Variants in TMEM145 observed in about 807,000 individuals in gnomAD.
TMEM145 encodes transmembrane protein 145.
A neutral mutation model predicts 68.5 loss-of-function variants in TMEM145; 46 were observed. That is an observed-to-expected ratio of 0.67 (90% CI 0.53 to 0.86). The LOEUF (loss-of-function observed/expected upper bound fraction) is 0.86. Ranked by LOEUF, TMEM145 falls within the 40% of genes least tolerant of loss-of-function variation. The pLI, the probability that TMEM145 is intolerant of heterozygous loss-of-function variation, is 0.00. For missense variants in TMEM145, 570 were observed against 645.8 expected, an observed-to-expected ratio of 0.88 and a Z score of 1.27; for synonymous variants, 255 against 280.2, an observed-to-expected ratio of 0.91 and a Z score of 0.90.
At position 42,315,421 on chromosome 19, in the gene TMEM145, G is replaced by A. The variant is rs1422755527; in HGVS notation, c.627G>A (p.Met209Ile). 5.0e-6 allele frequency: 8 copies of A among 1,614,064 alleles called. No homozygotes were observed. In the Admixed American group the frequency reaches 1.3e-4, roughly 27 times the overall value. ...QLLHTTYKMF[M>I]AAAGVEVLSL... ...TCCACACAACTTATAAAATGTTCAT[G>A]GCCGCAGCAGGAGTAGAGGGTGAGG... The change falls in exon 8 of 15, where the codon ATG (methionine) becomes ATA (isoleucine). Residue 209 changes from methionine (M) to isoleucine (I), a missense_variant. Physicochemically the swap from Met to Ile is conservative, Grantham distance 10 (BLOSUM62 1). Transcript: ENST00000301204.
chr19:42,314,749 CG>C (rs2038837660), intron 4 of TMEM145, 42 bp from the exon 5 acceptor site: 4 of 1,613,918 alleles, frequency 2.5e-6, no homozygotes, highest in Admixed American at 3.3e-5. Flanking sequence ...ATGAAGCCTT[CG>C]GGGCATCAAG....
chr19:42,315,226 A>ATCCTCATCTTCT lies in TMEM145; in HGVS notation c.550_561dup (p.Ile184_Leu187dup). The ATCCTCATCTTCT allele has an allele frequency of 1.2e-6, 2 of 1,607,508 alleles. No homozygotes were observed. The highest frequency in any genetic ancestry group is 1.7e-6 in the Non-Finnish European group (2 of 1,175,656). On this transcript the variant is annotated inframe_insertion, in exon 7 of 15. Coordinates refer to ENST00000301204, the MANE Select transcript of TMEM145 (RefSeq NM_173633.3). ...AGATGTGACCTTCCTCCTCATCTTC[A>ATCCTCATCTTCT]TCCTCATCTTCTTCCTCTCTTGTTA... is the stretch of plus-strand genomic sequence containing the variant.
chr19:42,322,339 T>C (rs1328481188), intron 13 of TMEM145, among the ~76,000 whole-genome samples: 1 of 152,166 alleles, frequency 6.6e-6, no homozygotes, highest in Non-Finnish European at 1.5e-5. Context: ...ACAGTCCCTT[T>C]TCCCCACAGC....
chr19:42,321,639 C>A (rs138988972), intron 13 of TMEM145: 2,274 of 152,266 alleles, frequency 0.015, 29 homozygotes, highest in South Asian at 0.025. Context: ...GATCCGCCCG[C>A]CTCGGCCTCC....
intron 12 of TMEM145, among the ~76,000 whole-genome samples, chr19:42,318,785 TA>T (rs1197236049): frequency 6.6e-6 from 1 of 150,458 alleles, no homozygotes; most frequent in Non-Finnish European, 1.5e-5. Flanking sequence ...AAATGTTCAG[TA>T]AAAAACTATT....
rs1296886665 is a variant in TMEM145 at position 42,324,395 on chromosome 19, G to T, written c.1402-342G>T. 4.1e-6 allele frequency: 4 copies of T among 984,678 alleles called. No individual in the cohort carries two copies. In the African/African-American group the frequency reaches 5.3e-5, roughly 13 times the overall value. The allele number at this position is 984,678 out of a possible 1,614,324, so 61.0% of individuals were successfully genotyped here. Reference sequence around the variant, plus strand: ...CCCACTTCCCGCTCGGTTCCCCAAGGCGGCCGACTCGGGCTGGGACGGCCC... The same window carrying T: ...CCCACTTCCCGCTCGGTTCCCCAAGTCGGCCGACTCGGGCTGGGACGGCCC... On this transcript the variant is annotated intron_variant, in intron 14 of 14. Transcript: ENST00000301204.
intron 13 of TMEM145, chr19:42,321,064 G>A (rs886912951): frequency 2.5e-6 from 1 of 397,916 alleles, no homozygotes; most frequent in Non-Finnish European, 4.4e-6. Flanking sequence ...TTTCTCTTTT[G>A]TATCCCCACT....
At chr19:42,321,272 T>A in intron 13 of TMEM145, 1 of 396,000 alleles carries the variant, frequency 2.5e-6, no homozygotes, top group Admixed American at 4.4e-5. Context: ...GTCACTAGGC[T>A]GGAGTGCAGT....
chr19:42,314,553 G>A, intron 3 of TMEM145, 25 bp downstream of exon 3: 1 of 1,614,146 alleles, frequency 6.2e-7, no homozygotes. Context: ...GAGGGCATAG[G>A]GGGAGAGGGG....
chr19:42,320,124 C>T (rs2038897562), intron 12 of TMEM145, among the ~76,000 whole-genome samples, 193 bp from the exon 13 acceptor site: 1 of 152,186 alleles, frequency 6.6e-6, no homozygotes, highest in Non-Finnish European at 1.5e-5. Flanking sequence ...AATTGAACCT[C>T]CTTCTTGCCC....
rs1449340687 is a variant in TMEM145 at position 42,314,065 on chromosome 19, G to T, written c.121-207G>T. 2.0e-5 allele frequency among the ~76,000 whole-genome samples: 3 copies of T among 151,894 alleles called. 1 individual carries two copies. In the South Asian group the frequency reaches 6.2e-4, roughly 32 times the overall value. On this transcript the variant is annotated intron_variant, in intron 1 of 14. Transcript: ENST00000301204. ...TGTTTGAATGGAGGGGAGGAAACTT[G>T]GGGGGGCAATGGAGGGAGAAAATCA...
intron 12 of TMEM145, among the ~76,000 whole-genome samples, chr19:42,318,363 A>G (rs1160559672): frequency 1.5e-5 from 2 of 135,272 alleles, no homozygotes; most frequent in East Asian, 4.2e-4. Context: ...GCAAGACTCC[A>G]TCTCAAAAAA....
intron 12 of TMEM145, among the ~76,000 whole-genome samples, chr19:42,318,662 G>C (rs2147418818): frequency 6.6e-6 from 1 of 151,000 alleles, no homozygotes; most frequent in South Asian, 2.1e-4. Flanking sequence ...ATTCCAACCT[G>C]GGCAACAGAG....
chr19:42,320,336 A>G lies in TMEM145; in HGVS notation c.1093A>G (p.Met365Val), dbSNP rs1362937046. 2 of 1,614,126 alleles carry G rather than the reference A, an allele frequency of 1.2e-6. No homozygotes were observed. The highest frequency in any genetic ancestry group is 1.7e-6 in the Non-Finnish European group (2 of 1,180,036). The part of the protein sequence containing the change: ...YTLWFFAVPV[M>V]ALIANFGIPK... ...CTTCAGGTTCTTTGCGGTTCCTGTC[A>G]TGGCCCTGATTGCCAATTTCGGCAT... The change falls in exon 13 of 15, where the codon ATG becomes GTG. Residue 365 changes from methionine (M) to valine (V), a missense_variant. Physicochemically the swap from Met to Val is conservative, Grantham distance 21 (BLOSUM62 1). Coordinates refer to ENST00000301204, the MANE Select transcript of TMEM145 (RefSeq NM_173633.3).
chr19:42,315,559 G>C, intron 8 of TMEM145, 119 bp downstream of exon 8: 2 of 1,087,624 alleles, frequency 1.8e-6, no homozygotes, highest in Non-Finnish European at 2.7e-6. Flanking sequence ...AGGAGGGGCT[G>C]GGGGCCTGGA....
At chr19:42,319,588 A>C (rs2038892079) in intron 12 of TMEM145, among the ~76,000 whole-genome samples, 1 of 151,930 alleles carries the variant, frequency 6.6e-6, no homozygotes, top group Non-Finnish European at 1.5e-5. Context: ...CTGGGACTAC[A>C]GGCGCATGCC....
In TMEM145 at chr19:42,316,534, A is replaced by G. The variant is rs1239810707; in HGVS notation, c.700A>G (p.Ile234Val). 1.2e-6 allele frequency: 2 copies of G among 1,614,052 alleles called. No individual in the cohort carries two copies. The highest frequency in any genetic ancestry group is 2.7e-5 in the African/African-American group (2 of 74,914). Residue 234 changes from isoleucine (I) to valine (V), a missense_variant, in exon 9 of 15, where the codon ATT becomes GTT. By Grantham distance (29) the Ile-to-Val change is conservative. Transcript: ENST00000301204. Reference sequence around the variant, plus strand: ...CTGGGGTCAATATGCCACCGATGGCATTGGCAACGAGAGTGTGAAGATCTT... The same window carrying G: ...CTGGGGTCAATATGCCACCGATGGCGTTGGCAACGAGAGTGTGAAGATCTT... ...IYWGQYATDGIGNESVKILAK... is the reference protein window; with the variant it reads ...IYWGQYATDGVGNESVKILAK...
In TMEM145 at chr19:42,314,814, G is replaced by C; in HGVS notation, c.383G>C (p.Arg128Pro). Reference sequence around the variant, plus strand: ...CAGGTGGTATCAGAGGAGGGAACCCGCTACCTGAGCTGCTCCAGTGGCCGC... The same window carrying C: ...CAGGTGGTATCAGAGGAGGGAACCCCCTACCTGAGCTGCTCCAGTGGCCGC... ...GCQVVSEEGT[R>P]YLSCSSGRSF... The change falls in exon 5 of 15, where the codon CGC becomes CCC. Residue 128 changes from arginine to proline, a missense_variant. Coordinates refer to ENST00000301204, the MANE Select transcript of TMEM145 (RefSeq NM_173633.3). The C allele has an allele frequency of 6.2e-7, 1 of 1,614,218 alleles. No homozygotes were observed. Among genetic ancestry groups the C allele is most frequent in the African/African-American group, 1.3e-5 (1 of 75,052 alleles).
chr19:42,315,618 T>G (rs1599978767), intron 8 of TMEM145, among the ~76,000 whole-genome samples, 178 bp downstream of exon 8: 4 of 42,810 alleles, frequency 9.3e-5, no homozygotes, highest in Non-Finnish European at 8.8e-5. Context: ...TCCTGGGTCC[T>G]GGGGGAGAAG....
Sources: allele counts gnomAD v4.1 joint callset (sites outside exome capture counted in the v4.1 genomes callset), GRCh38; gene constraint gnomAD v4.1.1; transcripts MANE v1.5; gene names NCBI Gene and HGNC (gene_info 2026-07-23, HGNC 2026-07-21).